FOXP1: variants seen among roughly 807,000 people sequenced by gnomAD.
FOXP1 encodes the protein forkhead box P1.
A neutral mutation model predicts 98.2 loss-of-function variants in FOXP1; 15 were observed. The ratio of observed to expected loss-of-function variants is 0.15; its 90% CI spans 0.10 to 0.24. The LOEUF is 0.24. Ranked by LOEUF, FOXP1 falls within the 10% of genes least tolerant of loss-of-function variation. The probability of loss-of-function intolerance (pLI) is 1.00; values close to 1 mark genes in which losing one functional copy is unlikely to be tolerated. For synonymous variants in FOXP1, 371 were observed against 314.5 expected, an observed-to-expected ratio of 1.18 and a Z score of -1.90; for missense variants, 633 against 848.5, an observed-to-expected ratio of 0.75 and a Z score of 3.15.
chr3:71,001,189 C>G, intron 12 of FOXP1, 130 bp from the exon 13 acceptor site: 5 of 697,956 alleles, frequency 7.2e-6, no homozygotes, highest in South Asian at 4.6e-5. Flanking sequence ...AGGGGGTGGC[C>G]TGTCCTTTCC....
chr3:71,047,247 G>T, intron 9 of FOXP1, 152 bp from the exon 10 acceptor site: 3 of 863,672 alleles, frequency 3.5e-6, no homozygotes, highest in Non-Finnish European at 5.7e-6. Flanking sequence ...AAGGGACAAA[G>T]CATACCTCCT....
rs1182983873 is a variant in FOXP1, at chr3:70,956,249, T to C, written c.*2998A>G. On this transcript the variant is annotated 3_prime_UTR_variant, in exon 21 of 21. Transcript: ENST00000649528. ...ACATCGGGATATATGTACAACGTAA[T>C]AAACCCCATCCTAAAGAAGCAACTG... The C allele has an allele frequency of 4.3e-6, 1 of 233,264 alleles. No individual in the cohort carries two copies. Among genetic ancestry groups the C allele is most frequent in the Admixed American group, 5.6e-5 (1 of 17,756 alleles). The allele number at this position is 233,264 out of a possible 1,614,324, so 14.4% of individuals were successfully genotyped here. A position where few individuals can be genotyped will look rare whatever the true frequency, so the allele number is the denominator to read the frequency against.
intron 11 of FOXP1, among the ~76,000 whole-genome samples, chr3:71,018,521 G>A (rs1317600601): frequency 6.6e-6 from 1 of 152,108 alleles, no homozygotes; most frequent in East Asian, 1.9e-4. Context: ...TTTACCATTC[G>A]GGTTTATATT....
At chr3:71,137,062 T>C (rs1194448827) in intron 6 of FOXP1, among the ~76,000 whole-genome samples, 1 of 152,170 alleles carries the variant, frequency 6.6e-6, no homozygotes, top group Admixed American at 6.5e-5. Context: ...AATTTATCCT[T>C]TGGCAGGGAT....
At chr3:70,971,484 T>C (rs957645703) in intron 18 of FOXP1, 2 of 153,800 alleles carry the variant, frequency 1.3e-5, no homozygotes, top group African/African-American at 4.8e-5. Flanking sequence ...AAAAATTACA[T>C]AGGGCATACT....
At chr3:71,301,864 A>G (rs1173121710) in intron 4 of FOXP1, among the ~76,000 whole-genome samples, 1 of 152,218 alleles carries the variant, frequency 6.6e-6, no homozygotes, top group Non-Finnish European at 1.5e-5. Flanking sequence ...AACACAGAAC[A>G]AAAATAGAAG....
chr3:71,140,243 T>G (rs775328403), intron 6 of FOXP1, among the ~76,000 whole-genome samples: 46 of 152,292 alleles, frequency 3.0e-4, no homozygotes, highest in Non-Finnish European at 5.3e-4. Flanking sequence ...CCATTTATGT[T>G]TCATATACAC....
At chr3:71,456,416 C>T (rs11720951) in intron 3 of FOXP1, among the ~76,000 whole-genome samples, 45,283 of 151,968 alleles carry the variant, frequency 0.3, 6,921 homozygotes, top group Middle Eastern at 0.37. Context: ...TTTTTCAGCA[C>T]GTGAGACCTG....
chr3:71,178,155 T>TA (rs1553769182), intron 6 of FOXP1, among the ~76,000 whole-genome samples: 5 of 144,874 alleles, frequency 3.5e-5, no homozygotes, highest in South Asian at 2.2e-4. Flanking sequence ...TTTTTTTTTT[T>TA]GAGAGAGTCT....
chr3:71,495,658 C>T (rs1361984242), intron 2 of FOXP1, among the ~76,000 whole-genome samples: 1 of 152,160 alleles, frequency 6.6e-6, no homozygotes, highest in Non-Finnish European at 1.5e-5. Flanking sequence ...ATTTTAAACT[C>T]AATATGTGGA....
chr3:71,154,096 C>CTTCTTCTT (rs1553761196), intron 6 of FOXP1, among the ~76,000 whole-genome samples: 3 of 150,018 alleles, frequency 2.0e-5, no homozygotes, highest in African/African-American at 7.4e-5. Context: ...TCTTCTTCTT[C>CTTCTTCTT]TTTTTTTTTG....
rs2078384299 is a variant in FOXP1 at position 71,359,251 on chromosome 3, G to C, written c.-167-7C>G. On this transcript the variant is annotated splice_polypyrimidine_tract_variant and splice_region_variant and intron_variant, in intron 3 of 20. Coordinates refer to ENST00000649528, the MANE Select transcript of FOXP1 (RefSeq NM_001349338.3). ...TGCAACACACAGAGGGAAGCTGAAAGCAAAAAGAAAAGAAGAGGTTAAGTG... is the reference window on the plus strand; with the variant it reads ...TGCAACACACAGAGGGAAGCTGAAACCAAAAAGAAAAGAAGAGGTTAAGTG... 6.6e-6 allele frequency: 1 copy of C among 152,108 alleles called. No homozygotes were observed. The highest frequency in any genetic ancestry group is 1.5e-5 in the Non-Finnish European group (1 of 68,032). The allele number at this position is 152,108 out of a possible 1,614,324, so 9.4% of individuals were successfully genotyped here. A position where few individuals can be genotyped will look rare whatever the true frequency, so the allele number is the denominator to read the frequency against.
chr3:71,262,072 C>A (rs775001608), intron 5 of FOXP1, among the ~76,000 whole-genome samples: 3 of 151,658 alleles, frequency 2.0e-5, no homozygotes, highest in Non-Finnish European at 4.4e-5. Flanking sequence ...TCAAGACCAG[C>A]CTGGCCAACA....
chr3:71,375,375 A>G (rs2079637705), intron 3 of FOXP1, among the ~76,000 whole-genome samples: 1 of 152,232 alleles, frequency 6.6e-6, no homozygotes. Context: ...ATTCTGACAG[A>G]CTAAACAGTG....
chr3:71,221,330 T>C (rs960529290), intron 5 of FOXP1, among the ~76,000 whole-genome samples: 14 of 152,198 alleles, frequency 9.2e-5, no homozygotes, highest in African/African-American at 2.2e-4. Context: ...GGGTCCACTG[T>C]TCTAGAGGCA....
chr3:71,414,397 A>G (rs2083039337), intron 3 of FOXP1, among the ~76,000 whole-genome samples: 1 of 152,186 alleles, frequency 6.6e-6, no homozygotes, highest in Non-Finnish European at 1.5e-5. Context: ...CTGGCTTTAG[A>G]AGGCCAGGAA....
At chr3:71,468,935 A>G (rs1408169041) in intron 3 of FOXP1, among the ~76,000 whole-genome samples, 3 of 152,166 alleles carry the variant, frequency 2.0e-5, no homozygotes, top group African/African-American at 7.2e-5. Flanking sequence ...AAGATATCTC[A>G]GGAGTCACTC....
At chr3:71,089,269 C>G (rs1347346414) in intron 7 of FOXP1, among the ~76,000 whole-genome samples, 1 of 152,172 alleles carries the variant, frequency 6.6e-6, no homozygotes, top group Non-Finnish European at 1.5e-5. Context: ...AAGCCAGCTG[C>G]CACATCACAA....
chr3:71,152,600 C>A lies in FOXP1; in HGVS notation c.181-39963G>T, dbSNP rs1256869906. On this transcript the variant is annotated intron_variant, in intron 6 of 20. Transcript: ENST00000649528. Reference sequence around the variant, plus strand: ...GCTGTGGCTCTGACCCCCACACAGACCTGCTCCTGTGCCCTAGGTCTGTGA... The same window carrying A: ...GCTGTGGCTCTGACCCCCACACAGAACTGCTCCTGTGCCCTAGGTCTGTGA... 1.3e-5 allele frequency among the ~76,000 whole-genome samples: 2 copies of A among 152,136 alleles called. 1 individual carries two copies. The highest frequency in any genetic ancestry group is 3.9e-4 in the East Asian group (2 of 5,168).
Sources: gnomAD v4.1 joint callset for allele counts (sites outside exome capture counted in the v4.1 genomes callset) on GRCh38, gnomAD v4.1.1 for gene constraint, MANE v1.5 for transcripts, NCBI Gene and HGNC (gene_info 2026-07-23, HGNC 2026-07-21) for gene names.